The following PHF20L1 variants were observed in gnomAD, a reference collection of about 807,000 sequenced individuals.
The protein encoded by PHF20L1 is PHD finger protein 20-like protein 1.
PHF20L1 carries 44 observed loss-of-function variants against 125.5 expected under a neutral mutation model. The observed-to-expected ratio is 0.35, with a 90% confidence interval of 0.28 to 0.45. The LOEUF (loss-of-function observed/expected upper bound fraction) is 0.45. PHF20L1 is among the 20% of genes least tolerant of loss of function. The probability of loss-of-function intolerance (pLI) is 1.00; values close to 1 mark genes in which losing one functional copy is unlikely to be tolerated. For missense variants in PHF20L1, 1,012 were observed against 1,217.2 expected (o/e 0.83, Z 2.51); for synonymous variants, 380 against 403.1 (o/e 0.94, Z 0.69).
At chr8:132,806,157 CT>C (rs1239572202) in intron 8 of PHF20L1, among the ~76,000 whole-genome samples, 1 of 151,896 alleles carries the variant, frequency 6.6e-6, no homozygotes, top group Non-Finnish European at 1.5e-5. Context: ...CAGCATCATG[CT>C]TTTTTTCCTT....
intron 6 of PHF20L1, among the ~76,000 whole-genome samples, chr8:132,800,390 T>C (rs1832911635): frequency 6.6e-6 from 1 of 151,704 alleles, no homozygotes; most frequent in African/African-American, 2.4e-5. Flanking sequence ...TAACAATATT[T>C]GTAGAATTGT....
At chr8:132,838,027 T>G (rs1837553123) in intron 17 of PHF20L1, 3 of 431,726 alleles carry the variant, frequency 6.9e-6, no homozygotes, top group African/African-American at 5.9e-5. Context: ...ATTCATTTCA[T>G]TATTCAGTGT....
intron 20 of PHF20L1, 103 bp from the exon 21 acceptor site, chr8:132,845,678 G>A (rs960994873): frequency 6.4e-5 from 50 of 784,644 alleles, no homozygotes; most frequent in African/African-American, 5.9e-4. Flanking sequence ...AGATGGGGAA[G>A]TGAACCCTTA....
At chr8:132,831,239 G>A (rs965716236) in intron 14 of PHF20L1, among the ~76,000 whole-genome samples, 2 of 151,922 alleles carry the variant, frequency 1.3e-5, no homozygotes, top group African/African-American at 2.4e-5. Context: ...AGCTAATCTG[G>A]CTCCTGTCAC....
Position 132,836,659 on chromosome 8 carries a change from G to C in PHF20L1, c.2029G>C (p.Ala677Pro), listed in dbSNP as rs771098562. Reference protein sequence around the residue: ...NFEESQDEDDALNEIVRCICE... With the variant: ...NFEESQDEDDPLNEIVRCICE... ...TGAGGAATCTCAGGATGAGGATGATGCTCTTAATGAAATTGTGCGATGTAT... is the reference window on the plus strand; with the variant it reads ...TGAGGAATCTCAGGATGAGGATGATCCTCTTAATGAAATTGTGCGATGTAT... Residue 677 changes from alanine to proline, a missense_variant, in exon 16 of 21, where the codon GCT (alanine) becomes CCT (proline). Ala to Pro is a conservative substitution (Grantham distance 27, BLOSUM62 -1). Transcript: ENST00000395386. 1.1e-5 allele frequency: 18 copies of C among 1,613,066 alleles called. No homozygotes were observed. The Admixed American group carries it at 2.3e-4, about 21-fold the overall frequency.
intron 2 of PHF20L1, among the ~76,000 whole-genome samples, chr8:132,781,503 G>T (rs917123421): frequency 6.6e-6 from 1 of 151,984 alleles, no homozygotes; most frequent in Admixed American, 6.6e-5. Flanking sequence ...ACCTCCGCTC[G>T]CTGCAACCTC....
rs1835734474 is a variant in PHF20L1, at chr8:132,822,705, A to G, written c.1580-1299A>G. Among the ~76,000 whole-genome samples, 4 of 151,980 alleles carry G rather than the reference A, an allele frequency of 2.6e-5. 1 individual carries two copies. The South Asian group carries it at 8.3e-4, about 31-fold the overall frequency. On this transcript the variant is annotated intron_variant, in intron 12 of 20. Coordinates refer to ENST00000395386, the MANE Select transcript of PHF20L1 (RefSeq NM_016018.5). ...ATATCCCTTTCATTTTTTCTGTCAT[A>G]ACAAATGGAGATTATTGGTATTCTT... is the stretch of plus-strand genomic sequence containing the variant.
At chr8:132,815,205 C>G (rs1834823914) in intron 10 of PHF20L1, 2 of 179,890 alleles carry the variant, frequency 1.1e-5, no homozygotes, top group South Asian at 3.8e-4. Context: ...TAAAAAGACC[C>G]AGGATAGCTA....
intron 18 of PHF20L1, among the ~76,000 whole-genome samples, chr8:132,840,973 C>T (rs373506370): frequency 9.1e-4 from 138 of 152,104 alleles, no homozygotes; most frequent in African/African-American, 3.2e-3. Context: ...TATCATAAGC[C>T]TGAATATGAA....
intron 2 of PHF20L1, among the ~76,000 whole-genome samples, chr8:132,792,682 G>A (rs1831873007): frequency 6.6e-6 from 1 of 152,152 alleles, no homozygotes; most frequent in Non-Finnish European, 1.5e-5. Flanking sequence ...CTGTCATGGT[G>A]CTAGGTCCTG....
chr8:132,805,418 A>G (rs1460269616), intron 8 of PHF20L1, among the ~76,000 whole-genome samples: 1 of 151,906 alleles, frequency 6.6e-6, no homozygotes, highest in African/African-American at 2.4e-5. Flanking sequence ...GGCCAGTCAT[A>G]CTACATCCTG....
At chr8:132,805,948 C>G (rs1384393750) in intron 8 of PHF20L1, among the ~76,000 whole-genome samples, 1 of 151,934 alleles carries the variant, frequency 6.6e-6, no homozygotes, top group African/African-American at 2.4e-5. Context: ...TTGGAGAAAG[C>G]CAAATGTTCT....
Position 132,811,041 on chromosome 8 carries a change from T to C in PHF20L1, c.848-5T>C. On this transcript the variant is annotated splice_region_variant and splice_polypyrimidine_tract_variant and intron_variant, in intron 8 of 20. Transcript: ENST00000395386. ...ATAAGCAATTTCTGTACAATTTTTC[T>C]CAAGGTTTGTTGGCATCCAAAGCTG... The C allele has an allele frequency of 6.3e-7, 1 of 1,580,230 alleles. No individual in the cohort carries two copies. Among genetic ancestry groups the C allele is most frequent in the Non-Finnish European group, 8.7e-7 (1 of 1,149,180 alleles).
chr8:132,813,031 T>TA, intron 9 of PHF20L1: 1 of 952,128 alleles, frequency 1.1e-6, no homozygotes, highest in Non-Finnish European at 1.3e-6. Context: ...CAGTAAGTTT[T>TA]AAAAACAATG....
At position 132,842,538 on chromosome 8, in the gene PHF20L1, A is replaced by G. The variant is rs1838040455; in HGVS notation, c.2411A>G (p.His804Arg). ...AGGAATAAACATCATCCTGACCTTC[A>G]TCTCTGGGCTTGTTCCGGGAAGCGA... ...ILKNKHHPDL[H>R]LWACSGKRKD... is the part of the protein sequence containing the mutation. The change falls in exon 19 of 21, where the codon CAT becomes CGT. Residue 804 changes from histidine (H) to arginine (R), a missense_variant. His to Arg is a conservative substitution (Grantham distance 29). This residue lies in a region of PHF20L1 where 277 missense variants were observed against 283.6 expected (regional missense o/e 0.98). Coordinates refer to ENST00000395386, the MANE Select transcript of PHF20L1 (RefSeq NM_016018.5). 1.2e-6 allele frequency: 2 copies of G among 1,604,830 alleles called. No individual in the cohort carries two copies. Among genetic ancestry groups the G allele is most frequent in the Admixed American group, 1.7e-5 (1 of 58,174 alleles).
intron 19 of PHF20L1, 134 bp from the exon 20 acceptor site, chr8:132,844,022 T>C (rs1414675036): frequency 2.1e-6 from 3 of 1,447,082 alleles, no homozygotes; most frequent in Non-Finnish European, 2.7e-6. Context: ...GCAGTACTTC[T>C]TTAAAGATAC....
At position 132,787,260 on chromosome 8, in the gene PHF20L1, T is replaced by TG. The variant is rs1007196911; in HGVS notation, c.84-7143dup. On this transcript the variant is annotated intron_variant, in intron 2 of 20. Transcript: ENST00000395386. ...CATAGGCATGGCAGGATTCAGGTGC[T>TG]GGGGGGGTGGGAGGAGAGAGGAACA... is the stretch of plus-strand genomic sequence containing the variant. Among the ~76,000 whole-genome samples the TG allele has an allele frequency of 1.4e-4, 21 of 150,236 alleles. 1 individual carries two copies. The highest frequency in any genetic ancestry group is 2.7e-4 in the Admixed American group (4 of 15,076).
intron 14 of PHF20L1, 28 bp downstream of exon 14, chr8:132,825,399 C>T (rs1836060292): frequency 6.9e-7 from 1 of 1,450,632 alleles, no homozygotes; most frequent in Non-Finnish European, 9.1e-7. Context: ...ATTATTCCCT[C>T]TTTTTTTAAA....
At chr8:132,828,780 G>A (rs1296023505) in intron 14 of PHF20L1, among the ~76,000 whole-genome samples, 1 of 151,966 alleles carries the variant, frequency 6.6e-6, no homozygotes, top group Non-Finnish European at 1.5e-5. Flanking sequence ...TCTTTCATGT[G>A]TCTGTAAATA....
Sources: gnomAD v4.1 joint callset for allele counts (sites outside exome capture counted in the v4.1 genomes callset) on GRCh38, gnomAD v4.1.1 for gene constraint, gnomAD v4.1.1 regional missense constraint, MANE v1.5 for transcripts, NCBI Gene and HGNC (gene_info 2026-07-23, HGNC 2026-07-21) for gene names.